Variants in GRIA3 observed in about 807,000 individuals in gnomAD.
GRIA3 encodes the protein glutamate ionotropic receptor AMPA type subunit 3, also known as glutamate receptor 3.
Under a neutral mutation model 63.0 loss-of-function variants are expected in GRIA3, and 3 were observed. The observed-to-expected ratio is 0.05, with a 90% CI of 0.02 to 0.12. The LOEUF (loss-of-function observed/expected upper bound fraction) is 0.12. Among genes scored for constraint, GRIA3 ranks in the 10% least tolerant of loss-of-function variants. The pLI, the probability that GRIA3 is intolerant of heterozygous loss-of-function variation, is 1.00. For synonymous variants in GRIA3, 274 were observed against 257.9 expected (o/e 1.06, Z -0.60); for missense variants, 347 against 700.9 (o/e 0.50, Z 5.70).
chrX:123,343,886 A>T (rs1279456111), intron 4 of GRIA3, among the ~76,000 whole-genome samples: 3 of 110,120 alleles, frequency 2.7e-5, no homozygotes, highest in Non-Finnish European at 5.7e-5. Context: ...ATGAGTAGAG[A>T]TAGGGATGGG....
At chrX:123,338,710 C>T (rs2044990139) in intron 4 of GRIA3, among the ~76,000 whole-genome samples, 1 of 111,211 alleles carries the variant, frequency 9.0e-6, no homozygotes, top group Admixed American at 9.5e-5. Context: ...GCCACCACGC[C>T]GGGCTAATTT....
At chrX:123,369,754 T>C (rs184919166) in intron 5 of GRIA3, among the ~76,000 whole-genome samples, 2 of 112,367 alleles carry the variant, frequency 1.8e-5, no homozygotes, top group Admixed American at 1.9e-4. Context: ...ATCTGTATGG[T>C]GGCCATTTCT....
At chrX:123,456,604 C>A (rs766293844) in intron 12 of GRIA3, among the ~76,000 whole-genome samples, 6 of 110,972 alleles carry the variant, frequency 5.4e-5, no homozygotes, top group African/African-American at 2.0e-4. Flanking sequence ...CTACCCCACC[C>A]ACCCTAGTAG....
chrX:123,458,719 G>A (rs945516886), intron 12 of GRIA3, among the ~76,000 whole-genome samples: 2 of 111,933 alleles, frequency 1.8e-5, no homozygotes, highest in African/African-American at 3.2e-5. Flanking sequence ...TCTGGTTAAT[G>A]AGGATTTTAA....
At chrX:123,227,998 T>C (rs1206392196) in intron 2 of GRIA3, among the ~76,000 whole-genome samples, 2 of 112,208 alleles carry the variant, frequency 1.8e-5, no homozygotes, top group Non-Finnish European at 3.8e-5. Flanking sequence ...TTCGCTTCCA[T>C]TTTGGAGACT....
intron 3 of GRIA3, among the ~76,000 whole-genome samples, chrX:123,275,626 A>G (rs185778208): frequency 2.8e-4 from 31 of 112,361 alleles, no homozygotes; most frequent in Non-Finnish European, 7.5e-5. Context: ...TAAATGAACT[A>G]ACCACCACTG....
intron 5 of GRIA3, among the ~76,000 whole-genome samples, chrX:123,391,281 T>C (rs1393375413): frequency 9.0e-6 from 1 of 111,695 alleles, no homozygotes; most frequent in African/African-American, 3.3e-5. Context: ...TCTTCTAATA[T>C]TTTAAATTTG....
intron 8 of GRIA3, 91 bp from the exon 9 acceptor site, chrX:123,403,321 G>T: frequency 2.9e-6 from 2 of 686,100 alleles, no homozygotes; most frequent in Non-Finnish European, 2.4e-6. Flanking sequence ...TAGAGCTCAA[G>T]AAAGTTTTGT....
At chrX:123,290,912 T>C (rs1189235967) in intron 3 of GRIA3, among the ~76,000 whole-genome samples, 1 of 111,442 alleles carries the variant, frequency 9.0e-6, no homozygotes, top group Admixed American at 9.5e-5. Flanking sequence ...ACCCAAAATG[T>C]GTCCCTTGAT....
At chrX:123,229,292 A>G (rs1223163613) in intron 2 of GRIA3, among the ~76,000 whole-genome samples, 1 of 111,957 alleles carries the variant, frequency 8.9e-6, no homozygotes, top group African/African-American at 3.2e-5. Context: ...CATCATGATG[A>G]CCGTGAAACT....
intron 3 of GRIA3, among the ~76,000 whole-genome samples, chrX:123,300,110 G>A (rs1403305829): frequency 9.0e-6 from 1 of 110,586 alleles, no homozygotes; most frequent in Non-Finnish European, 1.9e-5. Flanking sequence ...TTTTGGATGT[G>A]CTGCTGGATT....
chrX:123,292,512 A>G (rs1289149770), intron 3 of GRIA3, among the ~76,000 whole-genome samples: 1 of 110,707 alleles, frequency 9.0e-6, no homozygotes, highest in East Asian at 2.9e-4. Context: ...CCACACCCCA[A>G]AAAAGCAAAT....
chrX:123,428,938 A>C (rs1038178702), intron 12 of GRIA3, among the ~76,000 whole-genome samples: 7 of 112,090 alleles, frequency 6.2e-5, no homozygotes, highest in African/African-American at 1.3e-4. Context: ...ATACTAGTAG[A>C]GTTTTTAAGA....
intron 5 of GRIA3, among the ~76,000 whole-genome samples, chrX:123,362,948 T>C (rs1216588866): frequency 1.8e-5 from 2 of 112,804 alleles, no homozygotes; most frequent in South Asian, 3.7e-4. Context: ...GAGTGAACAA[T>C]ATAAGCAACT....
At position 123,377,880 on chromosome X, in the gene GRIA3, C is replaced by A. The variant is rs778489341; in HGVS notation, c.751-17088C>A. ...CACCTTGACTACTGTGGGTGTCTTG[C>A]ATGATGAAAAAGATTTAACAAGATA... On this transcript the variant is annotated intron_variant, in intron 5 of 15. Transcript: ENST00000620443. Among the ~76,000 whole-genome samples, 6 of 111,758 alleles carry A rather than the reference C, an allele frequency of 5.4e-5. No individual in the cohort carries two copies. In the East Asian group the frequency reaches 1.7e-3, roughly 31 times the overall value.
intron 3 of GRIA3, among the ~76,000 whole-genome samples, chrX:123,256,938 T>C (rs2044423024): frequency 9.0e-6 from 1 of 111,456 alleles, no homozygotes; most frequent in Non-Finnish European, 1.9e-5. Flanking sequence ...ACAGATTGAC[T>C]GTGGGATGTG....
intron 2 of GRIA3, among the ~76,000 whole-genome samples, chrX:123,212,809 T>C (rs1320492827): frequency 8.9e-6 from 1 of 111,924 alleles, no homozygotes; most frequent in African/African-American, 3.3e-5. Flanking sequence ...ATATATTATG[T>C]CACTTAAATC....
At chrX:123,395,760 TA>T (rs1402790200) in intron 6 of GRIA3, among the ~76,000 whole-genome samples, 1 of 111,751 alleles carries the variant, frequency 8.9e-6, no homozygotes, top group Non-Finnish European at 1.9e-5. Flanking sequence ...TCCTATTATT[TA>T]AAAACCAGGA....
At chrX:123,354,641 T>G in intron 4 of GRIA3, among the ~76,000 whole-genome samples, 1 of 111,785 alleles carries the variant, frequency 8.9e-6, no homozygotes, top group East Asian at 2.8e-4. Flanking sequence ...TCATCACTTT[T>G]GCCATCTATT....
Sources: gnomAD v4.1 joint callset for allele counts (sites outside exome capture counted in the v4.1 genomes callset) on GRCh38, gnomAD v4.1.1 for gene constraint, MANE v1.5 for transcripts, NCBI Gene and HGNC (gene_info 2026-07-23, HGNC 2026-07-21) for gene names.